The following ENOX1 variants were observed in gnomAD, a reference collection of about 807,000 sequenced individuals.
The protein encoded by ENOX1 is ecto-NOX disulfide-thiol exchanger 1, also known as candidate growth-related and time keeping constitutive hydroquinone (NADH) oxidase.
Under a neutral mutation model 82.5 loss-of-function variants are expected in ENOX1, and 42 were observed. The ratio of observed to expected loss-of-function variants is 0.51; its 90% CI spans 0.40 to 0.66. The LOEUF (loss-of-function observed/expected upper bound fraction) is 0.66. Among genes scored for constraint, ENOX1 ranks in the 30% least tolerant of loss-of-function variants. ENOX1 has a pLI of 0.00. For missense variants in ENOX1, 608 were observed against 811.6 expected, an observed-to-expected ratio of 0.75 and a Z score of 3.05; for synonymous variants, 271 against 282.2, an observed-to-expected ratio of 0.96 and a Z score of 0.40.
intron 2 of ENOX1, among the ~76,000 whole-genome samples, chr13:43,560,458 T>C (rs2079619867): frequency 6.6e-6 from 1 of 152,196 alleles, no homozygotes; most frequent in African/African-American, 2.4e-5. Context: ...AATGGACAAC[T>C]GAAAAATACT....
intron 5 of ENOX1, among the ~76,000 whole-genome samples, chr13:43,371,651 A>C (rs2051252454): frequency 6.6e-6 from 1 of 152,230 alleles, no homozygotes; most frequent in African/African-American, 2.4e-5. Context: ...CGTCTCATAA[A>C]TTTTAAAAAG....
At chr13:43,273,718 C>A (rs2044831267) in intron 12 of ENOX1, among the ~76,000 whole-genome samples, 1 of 152,168 alleles carries the variant, frequency 6.6e-6, no homozygotes, top group Admixed American at 6.5e-5. Flanking sequence ...CAGGGCAGAA[C>A]CTACACTACG....
intron 3 of ENOX1, among the ~76,000 whole-genome samples, chr13:43,457,775 C>T (rs1254477958): frequency 6.6e-6 from 1 of 152,020 alleles, no homozygotes; most frequent in Non-Finnish European, 1.5e-5. Flanking sequence ...AAAATGTACC[C>T]AAAATGCATA....
chr13:43,768,237 T>C (rs1183762182), intron 1 of ENOX1, among the ~76,000 whole-genome samples: 4 of 152,218 alleles, frequency 2.6e-5, no homozygotes, highest in African/African-American at 7.2e-5. Context: ...CAAAAAACCA[T>C]AGCAGACAAG....
chr13:43,738,253 T>A (rs578015799), intron 1 of ENOX1, among the ~76,000 whole-genome samples: 1 of 152,272 alleles, frequency 6.6e-6, no homozygotes, highest in African/African-American at 2.4e-5. Context: ...ATTTTAAACA[T>A]GTCTTTAAAC....
At chr13:43,406,569 T>C (rs1014761791) in intron 5 of ENOX1, among the ~76,000 whole-genome samples, 1 of 150,268 alleles carries the variant, frequency 6.7e-6, no homozygotes, top group South Asian at 2.2e-4. Context: ...CTCGGCTCAC[T>C]GCAAGCTCCG....
chr13:43,477,052 T>TAAA (rs67337073), intron 3 of ENOX1, among the ~76,000 whole-genome samples: 1 of 149,710 alleles, frequency 6.7e-6, no homozygotes, highest in African/African-American at 2.5e-5. Flanking sequence ...TCTAAAAAAA[T>TAAA]AAAAAAAAAA....
chr13:43,584,407 G>T (rs2080883866), intron 2 of ENOX1, among the ~76,000 whole-genome samples: 1 of 152,218 alleles, frequency 6.6e-6, no homozygotes, highest in Admixed American at 6.5e-5. Flanking sequence ...GAGTCATAAT[G>T]TCGAGTTTCA....
intron 5 of ENOX1, among the ~76,000 whole-genome samples, chr13:43,366,801 T>C (rs1594168624): frequency 6.6e-6 from 1 of 152,314 alleles, no homozygotes; most frequent in East Asian, 1.9e-4. Flanking sequence ...ATCTGTAAAA[T>C]GAAGAGAATA....
chr13:43,389,997 G>A (rs973020386), intron 5 of ENOX1, among the ~76,000 whole-genome samples: 1 of 152,140 alleles, frequency 6.6e-6, no homozygotes, highest in African/African-American at 2.4e-5. Context: ...AATAACTTAT[G>A]TGCAAATATA....
intron 1 of ENOX1, among the ~76,000 whole-genome samples, chr13:43,728,301 C>G (rs2089116938): frequency 6.6e-6 from 1 of 152,132 alleles, no homozygotes; most frequent in Non-Finnish European, 1.5e-5. Flanking sequence ...ATTCTCTTGC[C>G]TAATGTGAGA....
At chr13:43,656,794 GCGCCTTT>G (rs57389291) in intron 2 of ENOX1, among the ~76,000 whole-genome samples, 4,797 of 140,028 alleles carry the variant, frequency 0.034, 233 homozygotes, top group African/African-American at 0.11. Flanking sequence ...GTATTCTCAA[GCGCCTTT>G]CTATTTTTTT....
At chr13:43,441,819 T>C (rs2056374868) in intron 3 of ENOX1, among the ~76,000 whole-genome samples, 1 of 152,172 alleles carries the variant, frequency 6.6e-6, no homozygotes, top group African/African-American at 2.4e-5. Flanking sequence ...CGATTTTTTT[T>C]TTTTAGGAGC....
intron 2 of ENOX1, among the ~76,000 whole-genome samples, chr13:43,487,889 G>A (rs2076484783): frequency 6.6e-6 from 1 of 152,174 alleles, no homozygotes; most frequent in Non-Finnish European, 1.5e-5. Flanking sequence ...ATTTAGAAAT[G>A]TCTTATTGCA....
chr13:43,756,975 A>C (rs1407132291), intron 1 of ENOX1, among the ~76,000 whole-genome samples: 3 of 138,080 alleles, frequency 2.2e-5, no homozygotes, highest in East Asian at 1.9e-4. Flanking sequence ...ACAACAACAA[A>C]AAAAAAAAAA....
At chr13:43,373,882 T>C (rs1364844860) in intron 5 of ENOX1, among the ~76,000 whole-genome samples, 3 of 152,344 alleles carry the variant, frequency 2.0e-5, no homozygotes, top group Non-Finnish European at 4.4e-5. Context: ...GAGTGCAATA[T>C]ACTTGGAGGA....
chr13:43,483,172 A>C (rs1247596178), intron 3 of ENOX1, among the ~76,000 whole-genome samples: 1 of 152,220 alleles, frequency 6.6e-6, no homozygotes, highest in Non-Finnish European at 1.5e-5. Flanking sequence ...TCATGCTAGA[A>C]AGTACTGTGT....
intron 5 of ENOX1, among the ~76,000 whole-genome samples, chr13:43,402,975 A>G (rs915121566): frequency 1.3e-5 from 2 of 152,178 alleles, no homozygotes; most frequent in South Asian, 4.1e-4. Context: ...TCTACTCCAG[A>G]GGAAATCAAG....
chr13:43,682,699 C>T (rs141530435), intron 1 of ENOX1, among the ~76,000 whole-genome samples: 59 of 152,022 alleles, frequency 3.9e-4, no homozygotes, highest in Admixed American at 8.5e-4. Context: ...GGAAAAAAAA[C>T]CACATTGCTG....
Sources: gnomAD v4.1 joint callset for allele counts (sites outside exome capture counted in the v4.1 genomes callset) on GRCh38, gnomAD v4.1.1 for gene constraint, MANE v1.5 for transcripts, NCBI Gene and HGNC (gene_info 2026-07-23, HGNC 2026-07-21) for gene names.